DLL3: variants seen among roughly 807,000 people sequenced by gnomAD.
DLL3 encodes delta-like protein 3.
Under a neutral mutation model 55.0 loss-of-function variants are expected in DLL3, and 49 were observed. The observed-to-expected ratio is 0.89, with a 90% CI of 0.71 to 1.13. The LOEUF (loss-of-function observed/expected upper bound fraction) is 1.13. Among genes scored for constraint, DLL3 ranks in the 50% most tolerant of loss-of-function variants. DLL3 has a pLI of 0.00. For synonymous variants in DLL3, 421 were observed against 385.2 expected, an observed-to-expected ratio of 1.09 and a Z score of -1.09; for missense variants, 962 against 875.5, an observed-to-expected ratio of 1.10 and a Z score of -1.25.
chr19:39,499,060 A>T lies in DLL3; in HGVS notation c.69+17A>T, dbSNP rs1467720495. ...CTCCCCCAGGTCAGAGCCAGGTGGG[A>T]GGTGGCGTGGAAAGGGATGAATGCG... On this transcript the variant is annotated intron_variant, in intron 1 of 8. Transcript: ENST00000356433. 6.2e-7 allele frequency: 1 copy of T among 1,613,754 alleles called. No individual in the cohort carries two copies. The highest frequency in any genetic ancestry group is 1.1e-5 in the South Asian group (1 of 91,064).
In DLL3 at chr19:39,501,783, AT is replaced by A. The variant is rs551088022; in HGVS notation, c.410-1029del. ...TGATATAGGAAGATCCAGAGGCACAATTTAGGGGTGTTATGACCTCACTTCA... is the reference window on the plus strand; with the variant it reads ...TGATATAGGAAGATCCAGAGGCACAATTAGGGGTGTTATGACCTCACTTCA... On this transcript the variant is annotated intron_variant, in intron 3 of 8. Transcript: ENST00000356433. Among the ~76,000 whole-genome samples the A allele has an allele frequency of 3.5e-4, 54 of 152,270 alleles. No homozygotes were observed. In the East Asian group the frequency reaches 0.01, roughly 29 times the overall value.
chr19:39,500,430 C>A (rs553018171), intron 2 of DLL3, among the ~76,000 whole-genome samples, 185 bp from the exon 3 acceptor site: 11 of 144,876 alleles, frequency 7.6e-5, no homozygotes, highest in South Asian at 4.6e-4. Context: ...TCCCCCCCCC[C>A]CCAAAAAAAA....
Position 39,502,983 on chromosome 19 carries a change from C to T in DLL3, c.578C>T (p.Pro193Leu). 2.0e-6 allele frequency: 3 copies of T among 1,483,170 alleles called. No homozygotes were observed. Among genetic ancestry groups the T allele is most frequent in the Non-Finnish European group, 1.8e-6 (2 of 1,124,544 alleles). 91.9% of individuals were successfully genotyped at this position (1,483,170 alleles called of 1,614,324 possible). A position where few individuals can be genotyped will look rare whatever the true frequency, so the allele number is the denominator to read the frequency against. ...ACCGCGTGCACGCGCCTCTGCCGTC[C>T]GCGCAGCGCCCCCTCGCGGTGCGGT... Reference protein sequence around the residue: ...VGTACTRLCRPRSAPSRCGPG... With the variant: ...VGTACTRLCRLRSAPSRCGPG... The change falls in exon 4 of 9, where the codon CCG becomes CTG. Residue 193 changes from proline to leucine, a missense_variant. Physicochemically the swap from Pro to Leu is moderately conservative, Grantham distance 98. Coordinates refer to ENST00000356433, the MANE Select transcript of DLL3 (RefSeq NM_203486.3).
In DLL3 at chr19:39,508,250, AG is replaced by A. The variant is rs1322019493; in HGVS notation, c.1759del. 10 of 1,612,264 alleles carry A rather than the reference AG, an allele frequency of 6.2e-6. No homozygotes were observed. The highest frequency in any genetic ancestry group is 1.6e-4 in the Middle Eastern group (1 of 6,084). ...AATGCTTCCTACTCATTTTGTTTCT[AG>A]GCCTGACGCGTCTCCTCCATCCGCA... On this transcript the variant is annotated splice_acceptor_variant, in intron 8 of 8. Transcript: ENST00000356433. LOFTEE classifies it high-confidence loss of function.
Position 39,499,385 on chromosome 19 carries a change from C to T in DLL3, c.263C>T (p.Pro88Leu), listed in dbSNP as rs748275762. The change falls in exon 2 of 9, where the codon CCG becomes CTG. Residue 88 changes from proline to leucine, a missense_variant. Pro to Leu is a moderately conservative substitution (Grantham distance 98). Coordinates refer to ENST00000356433, the MANE Select transcript of DLL3 (RefSeq NM_203486.3). ...GGCGCGGCGCTGAGTGCGCGCGGAC[C>T]GGTCTACACCGAGCAGCCCGGAGCG... ...ALGAALSARG[P>L]VYTEQPGAPA... 3.8e-6 allele frequency: 6 copies of T among 1,569,782 alleles called. No individual in the cohort carries two copies. Among genetic ancestry groups the T allele is most frequent in the Middle Eastern group, 1.7e-4 (1 of 5,968 alleles).
chr19:39,503,180 C>T, intron 4 of DLL3, 123 bp downstream of exon 4: 1 of 1,073,422 alleles, frequency 9.3e-7, no homozygotes, highest in Non-Finnish European at 1.3e-6. Context: ...TCTAGAGTCC[C>T]CCACCATGTA....
chr19:39,500,490 G>A, intron 2 of DLL3, 125 bp from the exon 3 acceptor site: 1 of 773,060 alleles, frequency 1.3e-6, no homozygotes, highest in Non-Finnish European at 2.2e-6. Context: ...TCTGGGAATT[G>A]TCCCTTGCTT....
At chr19:39,504,016 C>T in intron 4 of DLL3, 55 bp from the exon 5 acceptor site, 4 of 1,570,728 alleles carry the variant, frequency 2.5e-6, no homozygotes, top group Non-Finnish European at 3.5e-6. Context: ...CATCTTGTCC[C>T]TGGCCCTCCC....
Position 39,507,068 on chromosome 19 carries a change from C to T in DLL3, c.1123C>T (p.Leu375=), listed in dbSNP as rs777253263. Residue 375 remains leucine, a synonymous_variant, in exon 7 of 9, where the codon CTG becomes TTG. Coordinates refer to ENST00000356433, the MANE Select transcript of DLL3 (RefSeq NM_203486.3). The part of the protein sequence containing the change: ...GGLCLDLGHA[L]RCRCRAGFAG... ...ACTCTGCCTGGACCTGGGCCACGCC[C>T]TGCGCTGCCGCTGCCGCGCCGGCTT... 121 of 1,541,076 alleles carry T rather than the reference C, an allele frequency of 7.9e-5. No individual in the cohort carries two copies. The Middle Eastern group carries it at 1.3e-3, about 16-fold the overall frequency.
Position 39,508,319 on chromosome 19 carries a change from C to T in DLL3, c.*62C>T, listed in dbSNP as rs900466053. On this transcript the variant is annotated 3_prime_UTR_variant, in exon 9 of 9. Coordinates refer to ENST00000356433, the MANE Select transcript of DLL3 (RefSeq NM_203486.3). ...GATTTTTGTATTTGCTCGGTGGTGC[C>T]CAGTCTCTGCCCCAGAGGCTTTGGA... 3.2e-6 allele frequency: 5 copies of T among 1,586,610 alleles called. No homozygotes were observed. The highest frequency in any genetic ancestry group is 4.3e-6 in the Non-Finnish European group (5 of 1,155,942).
At chr19:39,507,675 C>G in intron 7 of DLL3, 57 bp downstream of exon 7, 1 of 1,587,876 alleles carries the variant, frequency 6.3e-7, no homozygotes, top group South Asian at 1.1e-5. Flanking sequence ...TTACCCATCT[C>G]CGTGGTGCAG....
At chr19:39,507,006 G>A (rs1393167612) in intron 6 of DLL3, 33 bp from the exon 7 acceptor site, 16 of 1,530,550 alleles carry the variant, frequency 1.0e-5, no homozygotes, top group Admixed American at 5.9e-5. Context: ...CCCGGCTCCC[G>A]GACTGCGCCC....
intron 2 of DLL3, among the ~76,000 whole-genome samples, 192 bp from the exon 3 acceptor site, chr19:39,500,423 C>T (rs77761766): frequency 7.2e-6 from 1 of 139,414 alleles, no homozygotes; most frequent in African/African-American, 2.7e-5. Context: ...GAGATTCTCC[C>T]CCCCCCCCCA....
In DLL3 at chr19:39,504,131, G is replaced by T; in HGVS notation, c.713G>T (p.Arg238Leu). The T allele has an allele frequency of 6.2e-7, 1 of 1,612,918 alleles. No homozygotes were observed. The highest frequency in any genetic ancestry group is 8.5e-7 in the Non-Finnish European group (1 of 1,180,010). ...TTCTGTGAACAGCCCGGTGAATGCC[G>T]ATGCCTAGAGGGCTGGACTGGACCC... ...HGFCEQPGEC[R>L]CLEGWTGPLC... Residue 238 changes from arginine (R) to leucine (L), a missense_variant, in exon 5 of 9, where the codon CGA (arginine) becomes CTA (leucine). Coordinates refer to ENST00000356433, the MANE Select transcript of DLL3 (RefSeq NM_203486.3).
At chr19:39,505,164 T>C in intron 5 of DLL3, 65 bp from the exon 6 acceptor site, 1 of 1,548,864 alleles carries the variant, frequency 6.5e-7, no homozygotes, top group Non-Finnish European at 8.9e-7. Context: ...TGGTTAGGAC[T>C]GAGGAGGGGG....
At chr19:39,504,041 C>A (rs201579331) in intron 4 of DLL3, 30 bp from the exon 5 acceptor site, 9 of 1,610,856 alleles carry the variant, frequency 5.6e-6, no homozygotes, top group Non-Finnish European at 7.6e-6. Flanking sequence ...GTTGGTGTTC[C>A]CTTTCTCTCT....
chr19:39,499,258 C>T lies in DLL3; in HGVS notation c.136C>T (p.Pro46Ser), dbSNP rs761930850. 1 of 1,543,574 alleles carries T rather than the reference C, an allele frequency of 6.5e-7. No homozygotes were observed. ...CGGGCCGGGTCCAGGCCCTGGGGCC[C>T]CGCGGTCCCCCTGCAGCGCCCGGCT... ...SFGPGPGPGA[P>S]RSPCSARLPC... The change falls in exon 2 of 9, where the codon CCG (proline) becomes TCG (serine). Residue 46 changes from proline (P) to serine (S), a missense_variant. Coordinates refer to ENST00000356433, the MANE Select transcript of DLL3 (RefSeq NM_203486.3).
In DLL3 at chr19:39,505,764, G is replaced by A. The variant is rs146065522; in HGVS notation, c.1093+313G>A. 557 of 386,846 alleles carry A rather than the reference G, an allele frequency of 1.4e-3. 1 individual carries two copies. Among genetic ancestry groups the A allele is most frequent in the African/African-American group, 0.011 (520 of 48,972 alleles). The allele number at this position is 386,846 out of a possible 1,614,324, so 24.0% of individuals were successfully genotyped here. A position where few individuals can be genotyped will look rare whatever the true frequency, so the allele number is the denominator to read the frequency against. On this transcript the variant is annotated intron_variant, in intron 6 of 8. Transcript: ENST00000356433. The stretch of plus-strand genomic sequence containing the variant: ...GTGCTGAGGATAAGCAGGGAAGCCA[G>A]TGTGGTTATACTGAGATGAGGTCAG...
chr19:39,505,472 C>T lies in DLL3; in HGVS notation c.1093+21C>T, dbSNP rs776428035. On this transcript the variant is annotated intron_variant, in intron 6 of 8. Coordinates refer to ENST00000356433, the MANE Select transcript of DLL3 (RefSeq NM_203486.3). ...CAATGGTGAGGCCTGGAGGCCTGAA[C>T]GGCGAGGGATGGGGTGGGGGTCCTG... The T allele has an allele frequency of 1.1e-5, 18 of 1,612,618 alleles. No individual in the cohort carries two copies. The Admixed American group carries it at 1.5e-4, about 13-fold the overall frequency.
Sources: gnomAD v4.1 joint callset for allele counts (sites outside exome capture counted in the v4.1 genomes callset) on GRCh38, gnomAD v4.1.1 for gene constraint, MANE v1.5 for transcripts, NCBI Gene and HGNC (gene_info 2026-07-23, HGNC 2026-07-21) for gene names.